The following EYA2 variants were observed in gnomAD, a reference collection of about 807,000 sequenced individuals.
EYA2 encodes EYA transcriptional coactivator and phosphatase 2.
In EYA2, 31 loss-of-function variants were observed where a neutral mutation model predicts 69.2. The observed-to-expected ratio is 0.45, with a 90% CI of 0.34 to 0.60. EYA2 has a LOEUF of 0.60. Ranked by LOEUF, EYA2 falls within the 20% of genes least tolerant of loss-of-function variation. The pLI is 0.02. For synonymous variants in EYA2, 257 were observed against 279.4 expected (o/e 0.92, Z 0.80); for missense variants, 622 against 701.2 (o/e 0.89, Z 1.28).
At position 47,074,074 on chromosome 20, in the gene EYA2, G is replaced by A. The variant is rs561791367; in HGVS notation, c.484-84G>A. Reference sequence around the variant, plus strand: ...CACAGAGAGCTTTTATTCTAATGGTGAGACAGAGTGGCCAGGCTGACCAAC... The same window carrying A: ...CACAGAGAGCTTTTATTCTAATGGTAAGACAGAGTGGCCAGGCTGACCAAC... On this transcript the variant is annotated intron_variant, in intron 6 of 15. Coordinates refer to ENST00000327619, the MANE Select transcript of EYA2 (RefSeq NM_005244.5). 14 of 1,310,180 alleles carry A rather than the reference G, an allele frequency of 1.1e-5. No individual in the cohort carries two copies. The South Asian group carries it at 1.9e-4, about 18-fold the overall frequency. 81.2% of individuals were successfully genotyped at this position (1,310,180 alleles called of 1,614,324 possible).
chr20:47,074,447 C>A, intron 7 of EYA2, 112 bp downstream of exon 7: 1 of 1,170,086 alleles, frequency 8.5e-7, no homozygotes, highest in Non-Finnish European at 1.2e-6. Context: ...AAGGGTCATT[C>A]ATGGATGTGG....
chr20:46,977,682 G>A lies in EYA2; in HGVS notation c.-10-12319G>A, dbSNP rs1430955978. Among the ~76,000 whole-genome samples, 4 of 152,240 alleles carry A rather than the reference G, an allele frequency of 2.6e-5. No individual in the cohort carries two copies. In the South Asian group the frequency reaches 6.2e-4, roughly 24 times the overall value. On this transcript the variant is annotated intron_variant, in intron 1 of 15. Coordinates refer to ENST00000327619, the MANE Select transcript of EYA2 (RefSeq NM_005244.5). Reference sequence around the variant, plus strand: ...TCAGTGAATGGCTTTAGTGTCAGCTGTGTTCCTGATCCATTTATCTGCCTT... The same window carrying A: ...TCAGTGAATGGCTTTAGTGTCAGCTATGTTCCTGATCCATTTATCTGCCTT...
chr20:47,051,621 C>T (rs138524232), intron 5 of EYA2, among the ~76,000 whole-genome samples: 9 of 152,302 alleles, frequency 5.9e-5, no homozygotes, highest in African/African-American at 4.8e-5. Context: ...TGACCCAACC[C>T]GGACCCCAGT....
At chr20:47,108,924 A>G (rs1450971251) in intron 9 of EYA2, among the ~76,000 whole-genome samples, 1 of 151,896 alleles carries the variant, frequency 6.6e-6, no homozygotes, top group African/African-American at 2.4e-5. Flanking sequence ...GCCAGGTTGG[A>G]ATCCTGGCGA....
At chr20:47,130,589 T>G (rs1472549972) in intron 9 of EYA2, among the ~76,000 whole-genome samples, 1 of 152,062 alleles carries the variant, frequency 6.6e-6, no homozygotes, top group Non-Finnish European at 1.5e-5. Context: ...TCTAAAAATA[T>G]GTATTTCAGT....
chr20:47,075,651 C>A (rs1262610704), intron 7 of EYA2, among the ~76,000 whole-genome samples: 4 of 152,284 alleles, frequency 2.6e-5, no homozygotes, highest in Admixed American at 2.6e-4. Context: ...TCAGGGTCCT[C>A]AAGAATTATA....
chr20:46,982,566 G>A (rs1238093166), intron 1 of EYA2, among the ~76,000 whole-genome samples: 1 of 151,816 alleles, frequency 6.6e-6, no homozygotes, highest in Non-Finnish European at 1.5e-5. Context: ...TCCTTCTGTG[G>A]CTCCTATTAC....
chr20:47,153,016 G>A lies in EYA2; in HGVS notation c.978+9868G>A, dbSNP rs764711791. The stretch of plus-strand genomic sequence containing the variant: ...AAAGCACTGTTTGCTTTTAGAGGCC[G>A]GGCCAGCAATACCACTCAACCCAAT... On this transcript the variant is annotated intron_variant, in intron 10 of 15. Coordinates refer to ENST00000327619, the MANE Select transcript of EYA2 (RefSeq NM_005244.5). 2.8e-4 allele frequency among the ~76,000 whole-genome samples: 42 copies of A among 151,720 alleles called. 1 individual carries two copies. Among genetic ancestry groups the A allele is most frequent in the Middle Eastern group, 6.8e-3 (2 of 294 alleles).
chr20:46,922,383 G>A (rs1193518680), intron 1 of EYA2, among the ~76,000 whole-genome samples: 1 of 152,174 alleles, frequency 6.6e-6, no homozygotes, highest in Admixed American at 6.5e-5. Context: ...GGGAAAAGGA[G>A]ATTCTTAGTT....
chr20:46,944,563 C>T (rs1978344753), intron 1 of EYA2, among the ~76,000 whole-genome samples: 1 of 114,174 alleles, frequency 8.8e-6, no homozygotes. Flanking sequence ...GCACCTTCCT[C>T]TCCAAAATGA....
intron 8 of EYA2, among the ~76,000 whole-genome samples, chr20:47,096,723 GC>G (rs555524706): frequency 9.6e-4 from 146 of 152,328 alleles, no homozygotes; most frequent in African/African-American, 3.0e-3. Context: ...AAATAGTTGA[GC>G]GTATGGTGAA....
chr20:46,911,632 A>G (rs1465436280), intron 1 of EYA2, among the ~76,000 whole-genome samples: 3 of 152,336 alleles, frequency 2.0e-5, no homozygotes, highest in Non-Finnish European at 4.4e-5. Flanking sequence ...CTACTTGCAA[A>G]AAGTTTGAAA....
At position 47,071,966 on chromosome 20, in the gene EYA2, A is replaced by G. The variant is rs2031328339; in HGVS notation, c.416-219A>G. The G allele has an allele frequency of 5.2e-6, 3 of 580,826 alleles. No individual in the cohort carries two copies. The South Asian group carries it at 6.2e-5, about 12-fold the overall frequency. The allele number at this position is 580,826 out of a possible 1,614,324, so 36.0% of individuals were successfully genotyped here. A position where few individuals can be genotyped will look rare whatever the true frequency, so the allele number is the denominator to read the frequency against. ...TGGAAGCACCCAGGAGGCCGTGGTG[A>G]TGCTGGTGGTAGGCGTCACCAGAGG... On this transcript the variant is annotated intron_variant, in intron 5 of 15. Transcript: ENST00000327619.
chr20:47,012,156 G>T (rs1255490627), intron 4 of EYA2, among the ~76,000 whole-genome samples: 4 of 152,214 alleles, frequency 2.6e-5, no homozygotes, highest in Admixed American at 2.6e-4. Context: ...GCTGTCTGTT[G>T]TTGACACCCT....
intron 1 of EYA2, among the ~76,000 whole-genome samples, chr20:46,899,407 T>C (rs1983981430): frequency 6.6e-6 from 1 of 152,240 alleles, no homozygotes; most frequent in Non-Finnish European, 1.5e-5. Context: ...CCATGACCCT[T>C]AACCGGTTGG....
intron 10 of EYA2, among the ~76,000 whole-genome samples, chr20:47,149,226 C>T (rs1413629312): frequency 4.6e-5 from 7 of 151,992 alleles, no homozygotes; most frequent in Admixed American, 3.9e-4. Context: ...AGCAAGGGGA[C>T]ATTTAGTTCG....
At chr20:47,157,298 G>A (rs1043198577) in intron 10 of EYA2, among the ~76,000 whole-genome samples, 1 of 143,618 alleles carries the variant, frequency 7.0e-6, no homozygotes, top group African/African-American at 2.6e-5. Context: ...AGGTTGCAGT[G>A]AGCCGAGATT....
chr20:46,988,002 CA>C lies in EYA2; in HGVS notation c.-10-1989del, dbSNP rs555665557. Among the ~76,000 whole-genome samples, 605 of 61,570 alleles carry C rather than the reference CA, an allele frequency of 9.8e-3. 15 individuals carry two copies. The highest frequency in any genetic ancestry group is 0.026 in the South Asian group (51 of 1,984). The allele number at this position is 61,570 out of a possible 152,430, so 40.4% of individuals were successfully genotyped here. A position where few individuals can be genotyped will look rare whatever the true frequency, so the allele number is the denominator to read the frequency against. On this transcript the variant is annotated intron_variant, in intron 1 of 15. Coordinates refer to ENST00000327619, the MANE Select transcript of EYA2 (RefSeq NM_005244.5). ...TATATATATATATATATATATGGGG[CA>C]AAAAAAAAATACAGAATAAAAATAA...
chr20:46,951,098 G>A (rs1022910791), intron 1 of EYA2, among the ~76,000 whole-genome samples: 1 of 152,198 alleles, frequency 6.6e-6, no homozygotes, highest in Non-Finnish European at 1.5e-5. Context: ...GGTTTTCATG[G>A]AAATGGTATT....
Sources: gnomAD v4.1 joint callset for allele counts (sites outside exome capture counted in the v4.1 genomes callset) on GRCh38, gnomAD v4.1.1 for gene constraint, MANE v1.5 for transcripts, NCBI Gene and HGNC (gene_info 2026-07-23, HGNC 2026-07-21) for gene names.